The following RGSL1 variants were observed in gnomAD, a reference collection of about 807,000 sequenced individuals.
The protein encoded by RGSL1 is regulator of G protein signaling like 1.
A neutral mutation model predicts 124.7 loss-of-function variants in RGSL1; 97 were observed. That is an observed-to-expected ratio of 0.78 (90% CI 0.66 to 0.92). The LOEUF (loss-of-function observed/expected upper bound fraction) is 0.92, where lower values mean the gene tolerates loss of function less well. RGSL1 is among the 40% of genes least tolerant of loss of function. RGSL1 has a pLI of 0.00. For missense variants in RGSL1, 1,233 were observed against 1,288.4 expected (o/e 0.96, Z 0.66); for synonymous variants, 424 against 438.1 (o/e 0.97, Z 0.40).
intron 4 of RGSL1, 38 bp downstream of exon 4, chr1:182,460,171 T>C (rs1380085763): frequency 6.6e-7 from 1 of 1,520,266 alleles, no homozygotes. Context: ...TGTGTGTGTG[T>C]GTGTGTGTGT....
upstream of RGSL1, chr1:182,450,138 A>G: frequency 6.4e-7 from 1 of 1,551,928 alleles, no homozygotes; most frequent in East Asian, 2.4e-5. Flanking sequence ...CCCCTAACAA[A>G]TTACTGTGTC....
At chr1:182,461,227 T>C (rs1027846399) in intron 4 of RGSL1, among the ~76,000 whole-genome samples, 3 of 151,976 alleles carry the variant, frequency 2.0e-5, no homozygotes, top group Non-Finnish European at 1.5e-5. Flanking sequence ...TAACTGCCTA[T>C]GCTTAAAGAA....
intron 9 of RGSL1, among the ~76,000 whole-genome samples, chr1:182,496,426 G>C (rs916485786): frequency 8.5e-5 from 13 of 152,116 alleles, no homozygotes; most frequent in African/African-American, 2.9e-4. Flanking sequence ...ATATCACATG[G>C]ACAGGCTCTC....
rs1241102319 is a variant in RGSL1 at position 182,548,741 on chromosome 1, C to T, written c.2850C>T (p.Ala950=). 1.3e-6 allele frequency: 2 copies of T among 1,551,516 alleles called. No individual in the cohort carries two copies. The highest frequency in any genetic ancestry group is 1.7e-6 in the Non-Finnish European group (2 of 1,146,998). The change falls in exon 17 of 22, where the codon GCC becomes GCT. Residue 950 remains alanine (A), a synonymous_variant. Coordinates refer to ENST00000294854, the MANE Select transcript of RGSL1 (RefSeq NM_001137669.2). Reference sequence around the variant, plus strand: ...TCCAGAAGGATGCCATCCTTGCTGCCATCACAGAGGGCTACCTAGATCGGA... The same window carrying T: ...TCCAGAAGGATGCCATCCTTGCTGCTATCACAGAGGGCTACCTAGATCGGA... ...PEFQKDAILA[A]ITEGYLDRSV... is the part of the protein sequence containing the mutation.
intron 6 of RGSL1, among the ~76,000 whole-genome samples, chr1:182,482,355 A>G (rs267882): frequency 0.9 from 136,657 of 152,042 alleles, 61,647 homozygotes; most frequent in East Asian, 1. Flanking sequence ...GCCCCTCCTC[A>G]TCAACAAAAT....
chr1:182,513,574 G>A lies in RGSL1; in HGVS notation c.1826-8430G>A, dbSNP rs150718565. ...AGAGATAACTGTTTTTGCCACATCGGTAGTAGTTAACAGGTGCATTCTGGG... is the reference window on the plus strand; with the variant it reads ...AGAGATAACTGTTTTTGCCACATCGATAGTAGTTAACAGGTGCATTCTGGG... On this transcript the variant is annotated intron_variant, in intron 9 of 21. Transcript: ENST00000294854. 7.9e-4 allele frequency among the ~76,000 whole-genome samples: 121 copies of A among 152,202 alleles called. 1 individual carries two copies. The Middle Eastern group carries it at 0.034, about 43-fold the overall frequency.
At chr1:182,533,978 C>T (rs1659368607) in intron 14 of RGSL1, among the ~76,000 whole-genome samples, 1 of 152,092 alleles carries the variant, frequency 6.6e-6, no homozygotes, top group Non-Finnish European at 1.5e-5. Flanking sequence ...CAAAAACTGC[C>T]ATCAGGCCAG....
chr1:182,545,443 A>G (rs1400951935), intron 15 of RGSL1, among the ~76,000 whole-genome samples: 1 of 152,162 alleles, frequency 6.6e-6, no homozygotes, highest in East Asian at 1.9e-4. Context: ...ATTGCACACC[A>G]CAATTACTAT....
intron 11 of RGSL1, among the ~76,000 whole-genome samples, chr1:182,529,699 G>A (rs1313100616): frequency 6.6e-6 from 1 of 152,132 alleles, no homozygotes; most frequent in Non-Finnish European, 1.5e-5. Flanking sequence ...ATCTTTATTT[G>A]TAAGCATTAT....
At chr1:182,499,614 T>C (rs1324420515) in intron 9 of RGSL1, among the ~76,000 whole-genome samples, 1 of 152,208 alleles carries the variant, frequency 6.6e-6, no homozygotes, top group Non-Finnish European at 1.5e-5. Flanking sequence ...AGTTGGGTCT[T>C]GCTTTTTTAT....
chr1:182,556,239 G>T lies in RGSL1; in HGVS notation c.*165+17G>T. On this transcript the variant is annotated intron_variant, in intron 21 of 21. Coordinates refer to ENST00000294854, the MANE Select transcript of RGSL1 (RefSeq NM_001137669.2). Reference sequence around the variant, plus strand: ...CTGCAATGGGTAAGACTTGGGCAGAGCATGAGAGGAAGCGCATCTTTCCAC... The same window carrying T: ...CTGCAATGGGTAAGACTTGGGCAGATCATGAGAGGAAGCGCATCTTTCCAC... The T allele has an allele frequency of 1.7e-6, 1 of 600,334 alleles. No individual in the cohort carries two copies. The highest frequency in any genetic ancestry group is 1.9e-5 in the African/African-American group (1 of 53,710). The allele number at this position is 600,334 out of a possible 1,614,324, so 37.2% of individuals were successfully genotyped here.
chr1:182,468,230 C>T (rs931886420), intron 4 of RGSL1, among the ~76,000 whole-genome samples: 1 of 152,176 alleles, frequency 6.6e-6, no homozygotes, highest in African/African-American at 2.4e-5. Context: ...GGATCTAGAA[C>T]TAGAAATACC....
intron 14 of RGSL1, among the ~76,000 whole-genome samples, chr1:182,537,829 C>A (rs1450591715): frequency 6.6e-6 from 1 of 152,148 alleles, no homozygotes; most frequent in Non-Finnish European, 1.5e-5. Flanking sequence ...TGGGTACTTC[C>A]TTCATATCTT....
At position 182,460,160 on chromosome 1, in the gene RGSL1, CTGTGTGTGTGTGTG is replaced by C. The variant is rs10572829; in HGVS notation, c.301+39_301+52del. On this transcript the variant is annotated intron_variant, in intron 4 of 21. Transcript: ENST00000294854. ...TAAGCATTGGTGTGCATGCGTGTGT[CTGTGTGTGTGTGTG>C]TGTGTGTGTGTAGAAATATAGGAAG... 7 of 1,430,178 alleles carry C rather than the reference CTGTGTGTGTGTGTG, an allele frequency of 4.9e-6. No individual in the cohort carries two copies. The African/African-American group carries it at 6.0e-5, about 12-fold the overall frequency. The allele number at this position is 1,430,178 out of a possible 1,614,324, so 88.6% of individuals were successfully genotyped here.
At chr1:182,488,202 C>T (rs905815949) in intron 6 of RGSL1, 83 bp from the exon 7 acceptor site, 1 of 1,340,454 alleles carries the variant, frequency 7.5e-7, no homozygotes, top group Non-Finnish European at 1.0e-6. Flanking sequence ...TCAGCCTACT[C>T]TGCTCCCAGG....
At chr1:182,472,308 T>C in intron 4 of RGSL1, 88 bp from the exon 5 acceptor site, 1 of 1,215,398 alleles carries the variant, frequency 8.2e-7, no homozygotes, top group Non-Finnish European at 1.1e-6. Context: ...AACAGGCTGG[T>C]GGGGGATGTC....
intron 9 of RGSL1, among the ~76,000 whole-genome samples, chr1:182,516,072 G>A (rs571961470): frequency 1.6e-4 from 25 of 152,314 alleles, no homozygotes; most frequent in African/African-American, 6.0e-4. Context: ...CAGTCTTGGG[G>A]TCTTCCAGCA....
chr1:182,482,533 C>G (rs1398332137), intron 6 of RGSL1, among the ~76,000 whole-genome samples: 2 of 152,184 alleles, frequency 1.3e-5, no homozygotes. Context: ...ACCACAAAAA[C>G]AGTTAAAACT....
At chr1:182,523,015 C>T (rs1658462005) in intron 10 of RGSL1, among the ~76,000 whole-genome samples, 1 of 138,928 alleles carries the variant, frequency 7.2e-6, no homozygotes, top group African/African-American at 2.7e-5. Flanking sequence ...AAAACTCCCA[C>T]AAAACATTTT....
Sources: gnomAD v4.1 joint callset for allele counts (sites outside exome capture counted in the v4.1 genomes callset) on GRCh38, gnomAD v4.1.1 for gene constraint, MANE v1.5 for transcripts, NCBI Gene and HGNC (gene_info 2026-07-23, HGNC 2026-07-21) for gene names.